Variants in AFAP1L2 observed in about 807,000 individuals in gnomAD.
AFAP1L2 encodes the protein actin filament-associated protein 1-like 2.
In AFAP1L2, 46 loss-of-function variants were observed where a neutral mutation model predicts 99.3. The observed-to-expected ratio is 0.46, with a 90% CI of 0.37 to 0.59. AFAP1L2 has a LOEUF of 0.59. Among genes scored for constraint, AFAP1L2 ranks in the 20% least tolerant of loss-of-function variants. The pLI is 0.00. For missense variants in AFAP1L2, 959 were observed against 1,034.9 expected (o/e 0.93, Z 1.01); for synonymous variants, 397 against 419.1 (o/e 0.95, Z 0.64).
At chr10:114,391,039 T>C (rs1341426859) in intron 1 of AFAP1L2, among the ~76,000 whole-genome samples, 1 of 152,146 alleles carries the variant, frequency 6.6e-6, no homozygotes, top group Non-Finnish European at 1.5e-5. Context: ...GCCTTGTATA[T>C]CCTAAATGTT....
At position 114,310,383 on chromosome 10, in the gene AFAP1L2, G is replaced by GGGGGCGGGT. The variant is rs760905875; in HGVS notation, c.852_853insACCCGCCCC (p.Thr284_Pro285insThrArgPro). On this transcript the variant is annotated inframe_insertion, in exon 8 of 19. Transcript: ENST00000304129. ...TGGCAGTTAAAGCGCTGGGCATCCG[G>GGGGGCGGGT]GGTGTACTGGTTTCCTTCAGATGCT... 5 of 1,613,756 alleles carry GGGGGCGGGT rather than the reference G, an allele frequency of 3.1e-6. No homozygotes were observed. The African/African-American group carries it at 5.3e-5, about 17-fold the overall frequency.
At chr10:114,398,011 C>T (rs544916921) in intron 1 of AFAP1L2, among the ~76,000 whole-genome samples, 1 of 152,182 alleles carries the variant, frequency 6.6e-6, no homozygotes, top group Non-Finnish European at 1.5e-5. Context: ...ATGTGAGATC[C>T]GTGTTCCCTG....
chr10:114,390,870 G>A (rs2057062207), intron 1 of AFAP1L2, among the ~76,000 whole-genome samples: 1 of 152,200 alleles, frequency 6.6e-6, no homozygotes, highest in Non-Finnish European at 1.5e-5. Context: ...TCTACTGGGT[G>A]GTGGTTTTGG....
chr10:114,331,555 C>T (rs939803214), intron 4 of AFAP1L2, among the ~76,000 whole-genome samples: 1 of 152,158 alleles, frequency 6.6e-6, no homozygotes. Flanking sequence ...GCCTGAGTAG[C>T]GTCAGGTGGC....
At chr10:114,353,461 G>C (rs2050847484) in intron 1 of AFAP1L2, among the ~76,000 whole-genome samples, 1 of 152,148 alleles carries the variant, frequency 6.6e-6, no homozygotes, top group Admixed American at 6.5e-5. Context: ...CCAAAATCTG[G>C]ACCAGGCAGT....
At chr10:114,372,123 T>C (rs1023680595) in intron 1 of AFAP1L2, among the ~76,000 whole-genome samples, 2 of 152,218 alleles carry the variant, frequency 1.3e-5, no homozygotes, top group African/African-American at 2.4e-5. Flanking sequence ...CAAATTGAAG[T>C]TTCTTCTTGG....
downstream of AFAP1L2, among the ~76,000 whole-genome samples, chr10:114,292,622 ACTT>A (rs528519881): frequency 3.0e-4 from 45 of 150,468 alleles, 1 homozygote; most frequent in Admixed American, 1.3e-3. Flanking sequence ...TTTAGGAATT[ACTT>A]CTTCTCCTTG....
chr10:114,299,313 G>A lies in AFAP1L2; in HGVS notation c.2060C>T (p.Ala687Val). 6.2e-7 allele frequency: 1 copy of A among 1,614,236 alleles called. No homozygotes were observed. The highest frequency in any genetic ancestry group is 2.2e-5 in the East Asian group (1 of 44,890). Residue 687 changes from alanine (A) to valine (V), a missense_variant, in exon 16 of 19, where the codon GCT (alanine) becomes GTT (valine). Ala to Val is a moderately conservative substitution (Grantham distance 64, BLOSUM62 0). Coordinates refer to ENST00000304129, the MANE Select transcript of AFAP1L2 (RefSeq NM_001001936.3). ...CTCCCGTTTCTCTTTCCGGAGCTGA[G>A]CCAGGTGCCCCCGGATTTCTTCCTT... is the stretch of plus-strand genomic sequence containing the variant. ...KKKEEIRGHL[A>V]QLRKEKRELK...
chr10:114,336,289 G>A (rs1020144007), intron 2 of AFAP1L2, among the ~76,000 whole-genome samples: 8 of 152,260 alleles, frequency 5.3e-5, no homozygotes, highest in Admixed American at 2.0e-4. Flanking sequence ...CGGACAGGCA[G>A]GCCAGACTGC....
chr10:114,315,721 C>T lies in AFAP1L2; in HGVS notation c.451G>A (p.Glu151Lys). Residue 151 changes from glutamate (E) to lysine (K), a missense_variant, in exon 6 of 19, where the codon GAG becomes AAG. Glu to Lys is a moderately conservative substitution (Grantham distance 56, BLOSUM62 1). Around this residue, in one of 2 missense-constraint regions of AFAP1L2, gnomAD observed 383 missense variants for 472.8 expected, o/e 0.81. Transcript: ENST00000304129. The stretch of plus-strand genomic sequence containing the variant: ...GCCGACTTGCCCTTGCTGCCGTCCT[C>T]TTCATCGTAGGACTCGTAGGAGCTG... Reference protein sequence around the residue: ...VSSSYESYDEEDGSKGKSAPY... With the variant: ...VSSSYESYDEKDGSKGKSAPY... The T allele has an allele frequency of 1.2e-6, 2 of 1,613,492 alleles. No individual in the cohort carries two copies. The highest frequency in any genetic ancestry group is 1.7e-6 in the Non-Finnish European group (2 of 1,179,940).
At chr10:114,347,891 A>G (rs1356881224) in intron 1 of AFAP1L2, among the ~76,000 whole-genome samples, 4 of 152,168 alleles carry the variant, frequency 2.6e-5, no homozygotes, top group South Asian at 2.1e-4. Flanking sequence ...AAGATTCCCA[A>G]TGTGTGCAAC....
chr10:114,292,512 G>C (rs2039695523), downstream of AFAP1L2, among the ~76,000 whole-genome samples: 1 of 150,798 alleles, frequency 6.6e-6, no homozygotes, highest in African/African-American at 2.4e-5. Context: ...AAGAAATGTT[G>C]GTTATTTATT....
intron 1 of AFAP1L2, among the ~76,000 whole-genome samples, chr10:114,368,416 CTGTT>C (rs112938653): frequency 7.9e-5 from 12 of 151,986 alleles, no homozygotes; most frequent in South Asian, 2.1e-4. Context: ...TTTGGGGGTT[CTGTT>C]TGTTTGTTTG....
At chr10:114,399,984 G>A (rs1045408081) in intron 1 of AFAP1L2, among the ~76,000 whole-genome samples, 4 of 152,216 alleles carry the variant, frequency 2.6e-5, no homozygotes, top group Non-Finnish European at 5.9e-5. Flanking sequence ...GGCCTGGAGA[G>A]CTCAGCAGTT....
At chr10:114,404,239 C>T (rs972364035) in intron 1 of AFAP1L2, among the ~76,000 whole-genome samples, 1 of 152,184 alleles carries the variant, frequency 6.6e-6, no homozygotes, top group African/African-American at 2.4e-5. Context: ...TCAAAGGGCT[C>T]GGGCCGCAGC....
chr10:114,328,376 C>T lies in AFAP1L2; in HGVS notation c.315+3427G>A, dbSNP rs988721424. 3.3e-5 allele frequency among the ~76,000 whole-genome samples: 5 copies of T among 152,230 alleles called. No individual in the cohort carries two copies. In the East Asian group the frequency reaches 5.8e-4, roughly 18 times the overall value. On this transcript the variant is annotated intron_variant, in intron 4 of 18. Coordinates refer to ENST00000304129, the MANE Select transcript of AFAP1L2 (RefSeq NM_001001936.3). Reference sequence around the variant, plus strand: ...GCTGCTGCAGGTGCTGCTGCAGGTGCCGGTGAGCCCAGGGCCAGGCAGCTG... The same window carrying T: ...GCTGCTGCAGGTGCTGCTGCAGGTGTCGGTGAGCCCAGGGCCAGGCAGCTG...
At chr10:114,362,270 A>C (rs1441830525) in intron 1 of AFAP1L2, among the ~76,000 whole-genome samples, 2 of 152,222 alleles carry the variant, frequency 1.3e-5, no homozygotes, top group African/African-American at 4.8e-5. Flanking sequence ...TCCCCAAAAA[A>C]GATATGTCTA....
the AFAP1L2 span, chr10:114,282,448 C>A: frequency 7.9e-7 from 1 of 1,262,636 alleles, no homozygotes; most frequent in Non-Finnish European, 1.2e-6. Context: ...TGTTGTAAAT[C>A]ATCTTCTGTT....
intron 1 of AFAP1L2, among the ~76,000 whole-genome samples, chr10:114,380,253 C>T (rs1038998562): frequency 3.3e-5 from 5 of 152,214 alleles, no homozygotes; most frequent in Non-Finnish European, 1.5e-5. Flanking sequence ...CACCACACTT[C>T]CCTGGACTGT....
Sources: gnomAD v4.1 joint callset for allele counts (sites outside exome capture counted in the v4.1 genomes callset) on GRCh38, gnomAD v4.1.1 for gene constraint, gnomAD v4.1.1 regional missense constraint, MANE v1.5 for transcripts, NCBI Gene and HGNC (gene_info 2026-07-23, HGNC 2026-07-21) for gene names.